Variants in ADAMTSL1 observed in about 807,000 individuals in gnomAD.
ADAMTSL1 encodes the protein ADAMTS-like protein 1.
Under a neutral mutation model 201.8 loss-of-function variants are expected in ADAMTSL1, and 126 were observed. That is an observed-to-expected ratio of 0.62 (90% CI 0.54 to 0.72). The LOEUF (loss-of-function observed/expected upper bound fraction) is 0.72. Ranked by LOEUF, ADAMTSL1 falls within the 30% of genes least tolerant of loss-of-function variation. The probability of loss-of-function intolerance (pLI) is 0.00; values close to 1 mark genes in which losing one functional copy is unlikely to be tolerated. For missense variants in ADAMTSL1, 2,679 were observed against 2,277.8 expected, an observed-to-expected ratio of 1.18 and a Z score of -3.59; for synonymous variants, 1,121 against 903.4, an observed-to-expected ratio of 1.24 and a Z score of -4.32.
At chr9:18,063,209 C>T (rs1366272984) in intron 1 of ADAMTSL1, among the ~76,000 whole-genome samples, 2 of 152,008 alleles carry the variant, frequency 1.3e-5, no homozygotes, top group East Asian at 3.9e-4. Context: ...GTTAGTTGGG[C>T]ATGGTGGTGT....
intron 24 of ADAMTSL1, 73 bp from the exon 25 acceptor site, chr9:18,889,495 C>T: frequency 1.3e-6 from 2 of 1,528,206 alleles, no homozygotes; most frequent in Non-Finnish European, 1.8e-6. Flanking sequence ...TCTCCCTGCC[C>T]TGCTCAGAAG....
chr9:18,614,054 C>G (rs1825554066), intron 4 of ADAMTSL1, among the ~76,000 whole-genome samples: 1 of 152,228 alleles, frequency 6.6e-6, no homozygotes, highest in African/African-American at 2.4e-5. Flanking sequence ...GGTAGCAACT[C>G]AGGGCTGTCC....
chr9:18,651,720 A>G (rs1828272301), intron 7 of ADAMTSL1, among the ~76,000 whole-genome samples: 1 of 152,148 alleles, frequency 6.6e-6, no homozygotes, highest in African/African-American at 2.4e-5. Flanking sequence ...AAACTTTGCG[A>G]TTTCTGCTTG....
At chr9:18,206,173 G>A (rs1778277157) in intron 2 of ADAMTSL1, among the ~76,000 whole-genome samples, 1 of 148,100 alleles carries the variant, frequency 6.8e-6, no homozygotes, top group Non-Finnish European at 1.5e-5. Context: ...TCTTTTCATT[G>A]CAGAAGCCCA....
intron 27 of ADAMTSL1, among the ~76,000 whole-genome samples, chr9:18,906,178 C>T (rs1017093026): frequency 6.6e-6 from 1 of 152,138 alleles, no homozygotes; most frequent in African/African-American, 2.4e-5. Context: ...CTGCACTAGC[C>T]CCAGGGTGGT....
At chr9:17,969,856 G>A (rs1272795914) in intron 1 of ADAMTSL1, among the ~76,000 whole-genome samples, 4 of 152,024 alleles carry the variant, frequency 2.6e-5, no homozygotes, top group Non-Finnish European at 5.9e-5. Context: ...TTAGGCATAT[G>A]CAAACTTGTT....
At chr9:18,448,475 T>A (rs944939057) in intron 2 of ADAMTSL1, among the ~76,000 whole-genome samples, 1 of 152,190 alleles carries the variant, frequency 6.6e-6, no homozygotes, top group Non-Finnish European at 1.5e-5. Context: ...ATTTTTACTT[T>A]TAAACCCCTA....
chr9:18,474,405 A>C, intron 1 of ADAMTSL1, 110 bp downstream of exon 1: 2 of 1,064,578 alleles, frequency 1.9e-6, no homozygotes, highest in Non-Finnish European at 1.4e-6. Flanking sequence ...TTATCTTAAA[A>C]CTCCAGGTAA....
At chr9:17,907,450 G>T (rs1825760027) in intron 1 of ADAMTSL1, among the ~76,000 whole-genome samples, 1 of 152,190 alleles carries the variant, frequency 6.6e-6, no homozygotes, top group Admixed American at 6.5e-5. Context: ...GTTGTAATGT[G>T]TGCGGACGCC....
chr9:18,889,627 G>T lies in ADAMTSL1; in HGVS notation c.4522G>T (p.Val1508Phe). The T allele has an allele frequency of 6.2e-7, 1 of 1,613,544 alleles. No homozygotes were observed. Among genetic ancestry groups the T allele is most frequent in the Non-Finnish European group, 8.5e-7 (1 of 1,179,718 alleles). Residue 1508 changes from valine to phenylalanine, a missense_variant, in exon 25 of 29, where the codon GTT (valine) becomes TTT (phenylalanine). Coordinates refer to ENST00000380548, the MANE Select transcript of ADAMTSL1 (RefSeq NM_001040272.6). Reference sequence around the variant, plus strand: ...CTCAGCCTCCTGTGGTAACCGGGGGGTTCAGCAGCCCCGCTTGAGGTGCCT... The same window carrying T: ...CTCAGCCTCCTGTGGTAACCGGGGGTTTCAGCAGCCCCGCTTGAGGTGCCT... ...TCSASCGNRGVQQPRLRCLLN... is the reference protein window; with the variant it reads ...TCSASCGNRGFQQPRLRCLLN...
At position 18,199,642 on chromosome 9, in the gene ADAMTSL1, G is replaced by C. The variant is rs557856472; in HGVS notation, c.207+35661G>C. ...GTGGCTTAAAGTCCAAAGCTGGGTA[G>C]TGTCTTTTTTCTGGAGAAAATGTAG... is the stretch of plus-strand genomic sequence containing the variant. On this transcript the variant is annotated intron_variant, in intron 2 of 29. Coordinates refer to the ADAMTSL1 transcript ENST00000680146. Among the ~76,000 whole-genome samples the C allele has an allele frequency of 4.6e-5, 7 of 152,238 alleles. No individual in the cohort carries two copies. In the East Asian group the frequency reaches 5.8e-4, roughly 13 times the overall value.
chr9:18,539,064 G>A (rs1819971759), intron 3 of ADAMTSL1, among the ~76,000 whole-genome samples: 1 of 152,130 alleles, frequency 6.6e-6, no homozygotes, highest in Non-Finnish European at 1.5e-5. Context: ...CTCTAAGATG[G>A]GAAGTAGGCT....
intron 2 of ADAMTSL1, among the ~76,000 whole-genome samples, chr9:18,388,367 C>T (rs980591276): frequency 3.3e-5 from 5 of 151,800 alleles, no homozygotes; most frequent in East Asian, 1.9e-4. Context: ...CTTACCTCCT[C>T]GGTTCAAGCA....
intron 2 of ADAMTSL1, among the ~76,000 whole-genome samples, chr9:18,293,469 G>A (rs1365951027): frequency 6.6e-6 from 1 of 152,202 alleles, no homozygotes; most frequent in Non-Finnish European, 1.5e-5. Context: ...ATCATCTTAA[G>A]AATACTGTCT....
intron 3 of ADAMTSL1, among the ~76,000 whole-genome samples, chr9:18,542,122 T>G (rs980346228): frequency 2.0e-5 from 3 of 152,192 alleles, no homozygotes; most frequent in Non-Finnish European, 4.4e-5. Context: ...TCTATATGCT[T>G]TTATAGTGTT....
At chr9:18,114,203 C>T (rs193080008) in intron 1 of ADAMTSL1, among the ~76,000 whole-genome samples, 52 of 149,848 alleles carry the variant, frequency 3.5e-4, no homozygotes, top group Admixed American at 1.2e-3. Flanking sequence ...TCATTAGTGA[C>T]AGCACTTTTC....
intron 1 of ADAMTSL1, among the ~76,000 whole-genome samples, chr9:18,153,690 G>A (rs942142999): frequency 3.3e-5 from 5 of 152,028 alleles, no homozygotes; most frequent in African/African-American, 7.2e-5. Flanking sequence ...TGCAGAATGA[G>A]GAATAAAGTC....
chr9:18,728,974 A>T (rs1480908346), intron 15 of ADAMTSL1, among the ~76,000 whole-genome samples: 1 of 152,264 alleles, frequency 6.6e-6, no homozygotes, highest in Non-Finnish European at 1.5e-5. Context: ...AATGGTGGTT[A>T]GCTTTTACTG....
chr9:18,688,396 G>A (rs1830974860), intron 13 of ADAMTSL1, among the ~76,000 whole-genome samples: 1 of 151,234 alleles, frequency 6.6e-6, no homozygotes, highest in African/African-American at 2.4e-5. Flanking sequence ...CCAAAGTGCT[G>A]GGATTACAGG....
Sources: allele counts gnomAD v4.1 joint callset (sites outside exome capture counted in the v4.1 genomes callset), GRCh38; gene constraint gnomAD v4.1.1; transcripts MANE v1.5; gene names NCBI Gene and HGNC (gene_info 2026-07-23, HGNC 2026-07-21).